Variants in SCIN observed in about 807,000 individuals in gnomAD.
SCIN encodes the protein adseverin.
A neutral mutation model predicts 91.8 loss-of-function variants in SCIN; 91 were observed. The observed-to-expected ratio is 0.99, with a 90% CI of 0.84 to 1.18. The LOEUF (loss-of-function observed/expected upper bound fraction) is 1.18, where lower values mean the gene tolerates loss of function less well. Ranked by LOEUF, SCIN falls within the 50% of genes most tolerant of loss-of-function variation. SCIN has a pLI of 0.00. For missense variants in SCIN, 1,087 were observed against 863.9 expected (o/e 1.26, Z -3.24); for synonymous variants, 367 against 312.6 (o/e 1.17, Z -1.84).
rs919567788 is a variant in SCIN at position 12,598,433 on chromosome 7, C to A, written c.517-6081C>A. On this transcript the variant is annotated intron_variant, in intron 3 of 15. Transcript: ENST00000297029. ...TTATTAATAAAACTACACACACTTA[C>A]TTCAGCACAGTAGAGCTCTGTTAAA... is the stretch of plus-strand genomic sequence containing the variant. Among the ~76,000 whole-genome samples, 8 of 152,242 alleles carry A rather than the reference C, an allele frequency of 5.3e-5. No homozygotes were observed. In the East Asian group the frequency reaches 1.4e-3, roughly 26 times the overall value.
chr7:12,626,949 G>A (rs189022572), intron 8 of SCIN, 150 bp downstream of exon 8: 16 of 687,538 alleles, frequency 2.3e-5, no homozygotes, highest in Non-Finnish European at 3.6e-5. Context: ...AATTAGCCAG[G>A]TGTGATGGAG....
intron 9 of SCIN, among the ~76,000 whole-genome samples, chr7:12,635,841 C>T (rs1783739873): frequency 2.0e-5 from 3 of 151,852 alleles, no homozygotes; most frequent in Non-Finnish European, 4.4e-5. Flanking sequence ...ATAAAAATGC[C>T]TACCATATAC....
intron 4 of SCIN, among the ~76,000 whole-genome samples, chr7:12,611,454 C>T (rs910501456): frequency 6.6e-6 from 1 of 152,012 alleles, no homozygotes; most frequent in Non-Finnish European, 1.5e-5. Context: ...CCTAAGTTTA[C>T]TAGACTTACA....
Position 12,656,448 on chromosome 7 carries a change from T to G in SCIN, c.*3733T>G, listed in dbSNP as rs1291504808. Reference sequence around the variant, plus strand: ...TTATTTTAAACCTAATTTATTTATTTTAAACATTTATTTTAAACCTAATTC... The same window carrying G: ...TTATTTTAAACCTAATTTATTTATTGTAAACATTTATTTTAAACCTAATTC... On this transcript the variant is annotated 3_prime_UTR_variant, in exon 16 of 16. Transcript: ENST00000297029. 2 of 152,216 alleles carry G rather than the reference T, an allele frequency of 1.3e-5. No individual in the cohort carries two copies. Among genetic ancestry groups the G allele is most frequent in the Non-Finnish European group, 2.9e-5 (2 of 68,046 alleles). 9.4% of individuals were successfully genotyped at this position (152,216 alleles called of 1,614,324 possible).
intron 8 of SCIN, 58 bp downstream of exon 8, chr7:12,626,857 G>A (rs2115275727): frequency 7.0e-7 from 1 of 1,422,682 alleles, no homozygotes; most frequent in South Asian, 1.3e-5. Context: ...GTAGGGGGAG[G>A]GTGGGGGAGA....
At chr7:12,594,810 A>G (rs980860760) in intron 3 of SCIN, among the ~76,000 whole-genome samples, 1 of 152,106 alleles carries the variant, frequency 6.6e-6, no homozygotes, top group African/African-American at 2.4e-5. Flanking sequence ...CAGGAAACAG[A>G]GGAACCAGAG....
chr7:12,599,488 C>G (rs849770), intron 3 of SCIN, among the ~76,000 whole-genome samples: 16,412 of 151,932 alleles, frequency 0.11, 935 homozygotes, highest in Middle Eastern at 0.14. Flanking sequence ...CACGTGTGTG[C>G]AAGTATCTTT....
intron 11 of SCIN, among the ~76,000 whole-genome samples, chr7:12,642,365 C>G (rs1464535471): frequency 2.0e-5 from 3 of 152,150 alleles, no homozygotes; most frequent in Middle Eastern, 3.4e-3. Flanking sequence ...ATTTTTCTAT[C>G]TGGAATCATT....
chr7:12,651,811 C>T lies in SCIN; in HGVS notation c.1960-30C>T. On this transcript the variant is annotated intron_variant, in intron 14 of 15. Transcript: ENST00000297029. The surrounding 1 kb of genome is among the most constrained non-coding windows in gnomAD (Gnocchi z 5.9). ...AGCACTGAGTCAACATCCCAGAAATCATACATATTGTTATTGTTTCATTTT... is the reference window on the plus strand; with the variant it reads ...AGCACTGAGTCAACATCCCAGAAATTATACATATTGTTATTGTTTCATTTT... 3 of 1,415,304 alleles carry T rather than the reference C, an allele frequency of 2.1e-6. No homozygotes were observed. The highest frequency in any genetic ancestry group is 3.0e-6 in the Non-Finnish European group (3 of 1,016,648). The allele number at this position is 1,415,304 out of a possible 1,614,324, so 87.7% of individuals were successfully genotyped here.
Position 12,570,724 on chromosome 7 carries a change from G to T in SCIN, c.-63G>T. ...GGCGGCGAATAAGGTTCCTCCTGCT[G>T]CTCTCGGTTTAGTCCAAGATCAGCG... is the stretch of plus-strand genomic sequence containing the variant. On this transcript the variant is annotated 5_prime_UTR_variant, in exon 1 of 16. Coordinates refer to ENST00000297029, the MANE Select transcript of SCIN (RefSeq NM_001112706.3). 6.6e-7 allele frequency: 1 copy of T among 1,524,752 alleles called. No homozygotes were observed. The highest frequency in any genetic ancestry group is 2.5e-5 in the East Asian group (1 of 40,690). 94.5% of individuals were successfully genotyped at this position (1,524,752 alleles called of 1,614,324 possible).
chr7:12,597,924 A>C (rs1016642168), intron 3 of SCIN, among the ~76,000 whole-genome samples: 3 of 152,234 alleles, frequency 2.0e-5, no homozygotes, highest in African/African-American at 7.2e-5. Context: ...AGTGGATTTC[A>C]TTCCAAATTA....
chr7:12,576,378 T>A lies in SCIN; in HGVS notation c.200-1686T>A, dbSNP rs551032148. Among the ~76,000 whole-genome samples, 503 of 152,122 alleles carry A rather than the reference T, an allele frequency of 3.3e-3. 2 individuals carry two copies. Among genetic ancestry groups the A allele is most frequent in the African/African-American group, 0.011 (471 of 41,524 alleles). ...GAGTTGTTTTTTTTTGTTGTTGTTGTTGTTTCCCCTCAGAAGATACTTGGT... is the reference window on the plus strand; with the variant it reads ...GAGTTGTTTTTTTTTGTTGTTGTTGATGTTTCCCCTCAGAAGATACTTGGT... On this transcript the variant is annotated intron_variant, in intron 1 of 15. Coordinates refer to ENST00000297029, the MANE Select transcript of SCIN (RefSeq NM_001112706.3).
chr7:12,597,520 C>G (rs184813975), intron 3 of SCIN, among the ~76,000 whole-genome samples: 88 of 152,346 alleles, frequency 5.8e-4, no homozygotes, highest in Non-Finnish European at 9.3e-4. Flanking sequence ...CCTCTGAAAT[C>G]TTGCTTTTCC....
intron 3 of SCIN, among the ~76,000 whole-genome samples, chr7:12,593,200 T>G (rs1358701550): frequency 6.6e-6 from 1 of 152,242 alleles, no homozygotes; most frequent in Non-Finnish European, 1.5e-5. Flanking sequence ...CCAGGAGGTT[T>G]GCTGCTATCA....
intron 4 of SCIN, among the ~76,000 whole-genome samples, chr7:12,618,114 G>A (rs1783335582): frequency 6.6e-6 from 1 of 152,080 alleles, no homozygotes; most frequent in Non-Finnish European, 1.5e-5. Context: ...CATTCCCTGA[G>A]GCCTCTAGGG....
At chr7:12,583,789 C>T (rs939341657) in intron 3 of SCIN, among the ~76,000 whole-genome samples, 2 of 152,164 alleles carry the variant, frequency 1.3e-5, no homozygotes, top group African/African-American at 2.4e-5. Context: ...TCCAGGTTCA[C>T]GTAATAGGGA....
chr7:12,631,301 T>G (rs1042710667), intron 9 of SCIN, among the ~76,000 whole-genome samples: 2 of 152,180 alleles, frequency 1.3e-5, no homozygotes, highest in African/African-American at 2.4e-5. Flanking sequence ...CTTCAGGAGC[T>G]TATACGTAAT....
Position 12,658,621 on chromosome 7 carries a change from T to G in SCIN, c.*5906T>G, listed in dbSNP as rs1784210322. The G allele has an allele frequency of 6.6e-6, 1 of 152,204 alleles. No individual in the cohort carries two copies. Among genetic ancestry groups the G allele is most frequent in the Non-Finnish European group, 1.5e-5 (1 of 68,048 alleles). 9.4% of individuals were successfully genotyped at this position (152,204 alleles called of 1,614,324 possible). A position where few individuals can be genotyped will look rare whatever the true frequency, so the allele number is the denominator to read the frequency against. On this transcript the variant is annotated 3_prime_UTR_variant, in exon 16 of 16. Coordinates refer to ENST00000297029, the MANE Select transcript of SCIN (RefSeq NM_001112706.3). ...TGTTGTTTGATTATCTCCATTATTT[T>G]GAAGGAGCCAGGTGCTTGGGGAACC...
chr7:12,587,385 T>A (rs115021506), intron 3 of SCIN, among the ~76,000 whole-genome samples: 1,684 of 152,284 alleles, frequency 0.011, 19 homozygotes, highest in African/African-American at 0.028. Flanking sequence ...GTGAGTCTGG[T>A]TTGTACTCAT....
Sources: allele counts gnomAD v4.1 joint callset (sites outside exome capture counted in the v4.1 genomes callset), GRCh38; gene constraint gnomAD v4.1.1; non-coding constraint Gnocchi (gnomAD v3.1); transcripts MANE v1.5; gene names NCBI Gene and HGNC (gene_info 2026-07-23, HGNC 2026-07-21).